The following DYNC1I1 variants were observed in gnomAD, a reference collection of about 807,000 sequenced individuals.
DYNC1I1 encodes the protein dynein cytoplasmic 1 intermediate chain 1, also known as cytoplasmic dynein 1 intermediate chain 1.
DYNC1I1 carries 43 observed loss-of-function variants against 86.6 expected under a neutral mutation model. The ratio of observed to expected loss-of-function variants is 0.50; its 90% CI spans 0.39 to 0.64. DYNC1I1 has a LOEUF of 0.64. DYNC1I1 is among the 30% of genes least tolerant of loss of function. The probability of loss-of-function intolerance (pLI) is 0.00; values close to 1 mark genes in which losing one functional copy is unlikely to be tolerated. For missense variants in DYNC1I1, 604 were observed against 788.8 expected, an observed-to-expected ratio of 0.77 and a Z score of 2.81; for synonymous variants, 262 against 283.7, an observed-to-expected ratio of 0.92 and a Z score of 0.77.
At chr7:96,004,970 G>C (rs1156326341) in intron 10 of DYNC1I1, among the ~76,000 whole-genome samples, 1 of 152,150 alleles carries the variant, frequency 6.6e-6, no homozygotes, top group Non-Finnish European at 1.5e-5. Context: ...TCTTAGGAGA[G>C]GTTGGTATGT....
At chr7:95,798,822 T>C (rs987443712) in intron 1 of DYNC1I1, among the ~76,000 whole-genome samples, 41 of 152,290 alleles carry the variant, frequency 2.7e-4, no homozygotes, top group African/African-American at 9.1e-4. Flanking sequence ...AGACACTTTG[T>C]TCTAAATAGG....
intron 6 of DYNC1I1, among the ~76,000 whole-genome samples, chr7:95,908,876 C>T (rs193249190): frequency 2.9e-4 from 44 of 152,106 alleles, no homozygotes; most frequent in African/African-American, 9.4e-4. Flanking sequence ...TGATCTTGGC[C>T]TGTAAAGAAA....
At chr7:96,039,518 C>A in intron 14 of DYNC1I1, 97 bp downstream of exon 14, 1 of 1,496,482 alleles carries the variant, frequency 6.7e-7, no homozygotes, top group Non-Finnish European at 9.2e-7. Flanking sequence ...CTCTTCCAGG[C>A]AACCTGGCAT....
intron 10 of DYNC1I1, among the ~76,000 whole-genome samples, chr7:95,996,893 T>G (rs926060678): frequency 6.6e-6 from 1 of 152,210 alleles, no homozygotes; most frequent in African/African-American, 2.4e-5. Context: ...AGTGGCAGAT[T>G]ACTCTGAATA....
intron 6 of DYNC1I1, among the ~76,000 whole-genome samples, chr7:95,947,260 G>A (rs541313577): frequency 3.9e-5 from 6 of 152,254 alleles, no homozygotes; most frequent in African/African-American, 7.2e-5. Context: ...ATCTACTCAC[G>A]TCAGTGTTTC....
At chr7:96,047,677 G>A (rs1258659358) in intron 14 of DYNC1I1, among the ~76,000 whole-genome samples, 2 of 152,110 alleles carry the variant, frequency 1.3e-5, no homozygotes. Flanking sequence ...TGAACATAAG[G>A]AGATAGAGAG....
intron 10 of DYNC1I1, among the ~76,000 whole-genome samples, chr7:95,999,720 G>A (rs972936675): frequency 1.3e-5 from 2 of 152,134 alleles, no homozygotes; most frequent in Admixed American, 6.5e-5. Context: ...GTTAGGACTC[G>A]GAGTTCCATT....
At chr7:95,784,077 C>T (rs1162896899) in intron 1 of DYNC1I1, among the ~76,000 whole-genome samples, 7 of 152,052 alleles carry the variant, frequency 4.6e-5, no homozygotes, top group Non-Finnish European at 8.8e-5. Flanking sequence ...CTTAGTAATT[C>T]CTGGGATTCT....
chr7:95,912,177 C>A (rs1791353679), intron 6 of DYNC1I1, among the ~76,000 whole-genome samples: 1 of 152,170 alleles, frequency 6.6e-6, no homozygotes, highest in South Asian at 2.1e-4. Flanking sequence ...GCTGGGACTA[C>A]AGGCATGTGC....
At chr7:95,939,483 G>C (rs1395611153) in intron 6 of DYNC1I1, among the ~76,000 whole-genome samples, 2 of 152,028 alleles carry the variant, frequency 1.3e-5, no homozygotes, top group East Asian at 3.9e-4. Flanking sequence ...GGGTGCTCCT[G>C]TATTGGGTGC....
chr7:96,049,257 CAAAAAAAAA>C (rs200677000), intron 14 of DYNC1I1, among the ~76,000 whole-genome samples: 1 of 76,060 alleles, frequency 1.3e-5, no homozygotes, highest in Non-Finnish European at 2.7e-5. Flanking sequence ...GACTCCATCT[CAAAAAAAAA>C]AAAAAAAAAA....
intron 14 of DYNC1I1, among the ~76,000 whole-genome samples, chr7:96,072,924 CT>C (rs1790212038): frequency 6.6e-6 from 1 of 151,970 alleles, no homozygotes. Flanking sequence ...CCCTTTGAGC[CT>C]GAATAAAATA....
chr7:96,090,119 G>A (rs778864840), intron 16 of DYNC1I1, among the ~76,000 whole-genome samples: 2 of 151,888 alleles, frequency 1.3e-5, no homozygotes, highest in Non-Finnish European at 2.9e-5. Flanking sequence ...CCAAATAGTA[G>A]GGAAAAAAAT....
At chr7:95,983,747 G>T (rs1584224775) in intron 7 of DYNC1I1, among the ~76,000 whole-genome samples, 1 of 152,168 alleles carries the variant, frequency 6.6e-6, no homozygotes, top group Non-Finnish European at 1.5e-5. Flanking sequence ...TTGTGGAAGT[G>T]CTTGGAAAAC....
intron 14 of DYNC1I1, among the ~76,000 whole-genome samples, chr7:96,061,749 C>A (rs1243072435): frequency 6.7e-5 from 10 of 150,076 alleles, no homozygotes; most frequent in African/African-American, 2.5e-4. Flanking sequence ...CACAAACACA[C>A]ACACACACAC....
At chr7:95,916,125 C>T (rs945260425) in intron 6 of DYNC1I1, among the ~76,000 whole-genome samples, 2 of 152,200 alleles carry the variant, frequency 1.3e-5, no homozygotes, top group African/African-American at 2.4e-5. Flanking sequence ...AGAAGTCATA[C>T]TGGTGCCCAT....
chr7:95,781,137 G>C (rs1793983275), intron 1 of DYNC1I1, among the ~76,000 whole-genome samples: 8 of 152,150 alleles, frequency 5.3e-5, no homozygotes, highest in Admixed American at 5.2e-4. Flanking sequence ...AGGAAAATGA[G>C]AATCTATTTG....
chr7:96,039,473 G>GT, intron 14 of DYNC1I1, 52 bp downstream of exon 14: 2 of 1,609,020 alleles, frequency 1.2e-6, no homozygotes, highest in Non-Finnish European at 1.7e-6. Context: ...GCAGAGGATG[G>GT]TTTTTCATTC....
chr7:95,871,189 G>T (rs914495648), intron 6 of DYNC1I1, among the ~76,000 whole-genome samples: 1 of 152,170 alleles, frequency 6.6e-6, no homozygotes, highest in African/African-American at 2.4e-5. Context: ...GCCTATACAA[G>T]CTGTTGTGGG....
Sources: gnomAD v4.1 joint callset for allele counts (sites outside exome capture counted in the v4.1 genomes callset) on GRCh38, gnomAD v4.1.1 for gene constraint, MANE v1.5 for transcripts, NCBI Gene and HGNC (gene_info 2026-07-23, HGNC 2026-07-21) for gene names.